Variants in PITPNC1 observed in about 807,000 individuals in gnomAD.
PITPNC1 encodes phosphatidylinositol transfer protein cytoplasmic 1.
In PITPNC1, 18 loss-of-function variants were observed where a neutral mutation model predicts 44.7. The ratio of observed to expected loss-of-function variants is 0.40; its 90% CI spans 0.28 to 0.60. PITPNC1 has a LOEUF of 0.60. Among genes scored for constraint, PITPNC1 ranks in the 20% least tolerant of loss-of-function variants. The pLI is 0.39. For synonymous variants in PITPNC1, 141 were observed against 149.6 expected (o/e 0.94, Z 0.42); for missense variants, 290 against 418.4 (o/e 0.69, Z 2.68).
chr17:67,427,370 C>T (rs1420548086), intron 1 of PITPNC1, among the ~76,000 whole-genome samples: 1 of 152,006 alleles, frequency 6.6e-6, no homozygotes, highest in Non-Finnish European at 1.5e-5. Context: ...GCAACCACGC[C>T]CGGCTAATTT....
intron 1 of PITPNC1, among the ~76,000 whole-genome samples, chr17:67,405,227 A>G (rs906853831): frequency 1.3e-5 from 2 of 152,012 alleles, no homozygotes; most frequent in African/African-American, 4.8e-5. Flanking sequence ...AGCCTGGGCA[A>G]CAGAGTAAGA....
chr17:67,494,174 T>TC (rs2039900441), intron 1 of PITPNC1, among the ~76,000 whole-genome samples: 1 of 64,016 alleles, frequency 1.6e-5, no homozygotes, highest in African/African-American at 6.3e-5. Context: ...TTTCTTTCTT[T>TC]CTTTCTTTCT....
intron 5 of PITPNC1, among the ~76,000 whole-genome samples, chr17:67,621,626 CT>C (rs2041831492): frequency 6.6e-6 from 1 of 152,166 alleles, no homozygotes; most frequent in South Asian, 2.1e-4. Flanking sequence ...TGGACCTTCT[CT>C]TACACATTTT....
intron 1 of PITPNC1, among the ~76,000 whole-genome samples, chr17:67,407,111 C>T (rs867980602): frequency 1.3e-5 from 2 of 152,134 alleles, no homozygotes; most frequent in Non-Finnish European, 2.9e-5. Flanking sequence ...GTGCCTGCAC[C>T]GTTTTACATT....
intron 1 of PITPNC1, among the ~76,000 whole-genome samples, chr17:67,446,777 C>T (rs906191674): frequency 4.0e-5 from 6 of 151,548 alleles, no homozygotes; most frequent in Non-Finnish European, 8.8e-5. Context: ...CAGCCATAAC[C>T]GAAGCACATC....
intron 5 of PITPNC1, among the ~76,000 whole-genome samples, chr17:67,630,514 G>A (rs1025916026): frequency 6.6e-6 from 1 of 152,128 alleles, no homozygotes; most frequent in African/African-American, 2.4e-5. Flanking sequence ...AGCTACTCAG[G>A]AGGCTGGGGC....
chr17:67,391,259 T>C (rs140613910), intron 1 of PITPNC1, among the ~76,000 whole-genome samples: 104 of 152,188 alleles, frequency 6.8e-4, no homozygotes, highest in African/African-American at 2.3e-3. Flanking sequence ...GGCCAACAAA[T>C]GTAATTTGAT....
chr17:67,652,633 G>A (rs963121273), intron 6 of PITPNC1, among the ~76,000 whole-genome samples: 2 of 152,190 alleles, frequency 1.3e-5, no homozygotes, highest in Admixed American at 6.5e-5. Context: ...GCAGCCCCAC[G>A]CGTTCCCCAC....
At chr17:67,567,508 GA>G (rs1303194048) in intron 4 of PITPNC1, among the ~76,000 whole-genome samples, 2 of 151,104 alleles carry the variant, frequency 1.3e-5, no homozygotes, top group East Asian at 3.9e-4. Flanking sequence ...ATACCTGGGC[GA>G]CGAGACGTGC....
intron 1 of PITPNC1, among the ~76,000 whole-genome samples, chr17:67,504,045 A>G (rs1035234111): frequency 1.3e-5 from 2 of 152,124 alleles, no homozygotes; most frequent in Non-Finnish European, 2.9e-5. Context: ...AACTCCAGAG[A>G]ACAACTTGAT....
intron 6 of PITPNC1, among the ~76,000 whole-genome samples, chr17:67,645,509 A>G (rs2042139578): frequency 6.6e-6 from 1 of 152,122 alleles, no homozygotes; most frequent in South Asian, 2.1e-4. Context: ...ACCATAGGGA[A>G]GCTTTGCCTA....
chr17:67,636,395 C>T (rs534897863), intron 6 of PITPNC1, among the ~76,000 whole-genome samples: 1 of 151,886 alleles, frequency 6.6e-6, no homozygotes, highest in African/African-American at 2.4e-5. Flanking sequence ...ACTCTGGATT[C>T]AGCTTTGACG....
At position 67,672,122 on chromosome 17, in the gene PITPNC1, C is replaced by T. The variant is rs146666619; in HGVS notation, c.618+2459C>T. On this transcript the variant is annotated intron_variant, in intron 7 of 8. Coordinates refer to ENST00000581322, the MANE Select transcript of PITPNC1 (RefSeq NM_012417.4). ...CTAACTTTTGTATTATTAGTAGAGA[C>T]GGGGTTTCACCATGTTAGCCAGGCC... Among the ~76,000 whole-genome samples the T allele has an allele frequency of 3.6e-4, 54 of 151,744 alleles. No individual in the cohort carries two copies. In the East Asian group the frequency reaches 8.2e-3, roughly 23 times the overall value.
rs2042965754 is a variant in PITPNC1 at position 67,693,615 on chromosome 17, GGT to G, written c.*728_*729del. On this transcript the variant is annotated 3_prime_UTR_variant, in exon 9 of 9. Transcript: ENST00000581322. ...ATGTGACCATAACTGATTTTGGAAT[GGT>G]TCAGTTTAGGAACCAAGAGGCCCAG... is the stretch of plus-strand genomic sequence containing the variant. 1 of 152,506 alleles carries G rather than the reference GGT, an allele frequency of 6.6e-6. No individual in the cohort carries two copies. The highest frequency in any genetic ancestry group is 2.4e-5 in the African/African-American group (1 of 41,524). 9.4% of individuals were successfully genotyped at this position (152,506 alleles called of 1,614,324 possible).
In PITPNC1 at chr17:67,695,450, A is replaced by C. The variant is rs2042994237; in HGVS notation, c.*2562A>C. On this transcript the variant is annotated 3_prime_UTR_variant, in exon 9 of 9. Transcript: ENST00000581322. Reference sequence around the variant, plus strand: ...ACATTAATAATTCTTAGAAGGATGGAAGCCAAATGGCTGCATGATGGAAAT... The same window carrying C: ...ACATTAATAATTCTTAGAAGGATGGCAGCCAAATGGCTGCATGATGGAAAT... 6.6e-6 allele frequency: 1 copy of C among 152,004 alleles called. No homozygotes were observed. Among genetic ancestry groups the C allele is most frequent in the Admixed American group, 6.6e-5 (1 of 15,238 alleles). 9.4% of individuals were successfully genotyped at this position (152,004 alleles called of 1,614,324 possible).
At chr17:67,599,020 A>G (rs1224139885) in intron 5 of PITPNC1, among the ~76,000 whole-genome samples, 2 of 39,262 alleles carry the variant, frequency 5.1e-5, no homozygotes, top group African/African-American at 2.2e-4. Context: ...ATATATATAT[A>G]TATATATATA....
At chr17:67,478,766 A>G (rs1234639390) in intron 1 of PITPNC1, among the ~76,000 whole-genome samples, 2 of 152,044 alleles carry the variant, frequency 1.3e-5, no homozygotes, top group Non-Finnish European at 2.9e-5. Context: ...CTGGAGCGCT[A>G]ATTATACGCA....
chr17:67,446,873 T>G (rs983399472), intron 1 of PITPNC1, among the ~76,000 whole-genome samples: 10 of 151,610 alleles, frequency 6.6e-5, no homozygotes, highest in African/African-American at 2.4e-4. Flanking sequence ...GTGGATTACT[T>G]GAGGTCAGGA....
At chr17:67,627,793 A>T (rs1236272842) in intron 5 of PITPNC1, among the ~76,000 whole-genome samples, 5 of 152,084 alleles carry the variant, frequency 3.3e-5, no homozygotes, top group Non-Finnish European at 7.4e-5. Flanking sequence ...AAGCCTCTTT[A>T]CTTCTTTCAG....
Sources: gnomAD v4.1 joint callset for allele counts (sites outside exome capture counted in the v4.1 genomes callset) on GRCh38, gnomAD v4.1.1 for gene constraint, MANE v1.5 for transcripts, NCBI Gene and HGNC (gene_info 2026-07-23, HGNC 2026-07-21) for gene names.